The following GRID2 variants were observed in gnomAD, a reference collection of about 807,000 sequenced individuals.
GRID2 encodes glutamate ionotropic receptor delta type subunit 2, also known as glutamate receptor ionotropic, delta-2.
A neutral mutation model predicts 114.8 loss-of-function variants in GRID2; 33 were observed. The observed-to-expected ratio is 0.29, with a 90% CI of 0.22 to 0.38. The LOEUF (loss-of-function observed/expected upper bound fraction) is 0.38. Ranked by LOEUF, GRID2 falls within the 10% of genes least tolerant of loss-of-function variation. The pLI, the probability that GRID2 is intolerant of heterozygous loss-of-function variation, is 1.00. For missense variants in GRID2, 1,184 were observed against 1,257.7 expected, an observed-to-expected ratio of 0.94 and a Z score of 0.89; for synonymous variants, 505 against 449.9, an observed-to-expected ratio of 1.12 and a Z score of -1.55.
intron 14 of GRID2, among the ~76,000 whole-genome samples, chr4:93,636,918 C>T (rs572511073): frequency 6.6e-6 from 1 of 152,104 alleles, no homozygotes; most frequent in Non-Finnish European, 1.5e-5. Flanking sequence ...GTGTCCCATC[C>T]CCTGCCCTGT....
At chr4:93,703,548 G>A (rs1354775852) in intron 14 of GRID2, among the ~76,000 whole-genome samples, 1 of 151,906 alleles carries the variant, frequency 6.6e-6, no homozygotes, top group Non-Finnish European at 1.5e-5. Context: ...ACAACGTGCA[G>A]GTTAGTTACA....
At chr4:92,662,770 G>A (rs2149270246) in intron 2 of GRID2, among the ~76,000 whole-genome samples, 1 of 151,006 alleles carries the variant, frequency 6.6e-6, no homozygotes, top group East Asian at 1.9e-4. Flanking sequence ...TTCCTGACAT[G>A]GTTTTGTAAA....
chr4:92,738,414 T>G (rs921157931), intron 2 of GRID2, among the ~76,000 whole-genome samples: 1 of 152,132 alleles, frequency 6.6e-6, no homozygotes, highest in South Asian at 2.1e-4. Flanking sequence ...TTAGGCTGTT[T>G]CCTTGGTTGT....
intron 2 of GRID2, among the ~76,000 whole-genome samples, chr4:92,780,299 CTG>C (rs1401353157): frequency 6.6e-6 from 1 of 152,084 alleles, no homozygotes; most frequent in African/African-American, 2.4e-5. Context: ...TTAATTCAGA[CTG>C]TTTTAAATAA....
At chr4:92,620,763 A>G (rs975956908) in intron 2 of GRID2, among the ~76,000 whole-genome samples, 1 of 149,806 alleles carries the variant, frequency 6.7e-6, no homozygotes, top group Middle Eastern at 3.4e-3. Flanking sequence ...GGACACAGGA[A>G]GTGGAACATC....
intron 1 of GRID2, among the ~76,000 whole-genome samples, chr4:92,375,974 C>G (rs1407521079): frequency 6.6e-6 from 1 of 151,940 alleles, no homozygotes; most frequent in Non-Finnish European, 1.5e-5. Context: ...TTGAGTAATT[C>G]TGAATAAGCG....
chr4:92,785,159 C>T (rs1016370370), intron 2 of GRID2, among the ~76,000 whole-genome samples: 1 of 149,324 alleles, frequency 6.7e-6, no homozygotes, highest in South Asian at 2.1e-4. Flanking sequence ...AGACAAAATC[C>T]AAACATTATA....
chr4:93,284,603 T>C (rs2149132893), intron 8 of GRID2, among the ~76,000 whole-genome samples: 1 of 151,940 alleles, frequency 6.6e-6, no homozygotes, highest in South Asian at 2.1e-4. Flanking sequence ...ATATCTTCAA[T>C]TTCCCCACTC....
intron 2 of GRID2, among the ~76,000 whole-genome samples, chr4:92,937,741 G>T (rs1553952858): frequency 1.4e-5 from 2 of 146,254 alleles, no homozygotes; most frequent in Non-Finnish European, 3.0e-5. Flanking sequence ...AGCAAAAAAA[G>T]AAAAAAATCA....
At chr4:93,504,116 C>A (rs896265416) in intron 12 of GRID2, among the ~76,000 whole-genome samples, 3 of 152,014 alleles carry the variant, frequency 2.0e-5, no homozygotes, top group African/African-American at 7.2e-5. Flanking sequence ...TCTTTTATTT[C>A]CCACTATGAA....
intron 14 of GRID2, among the ~76,000 whole-genome samples, chr4:93,749,354 A>G (rs866414899): frequency 6.6e-6 from 1 of 152,242 alleles, no homozygotes; most frequent in Admixed American, 6.5e-5. Flanking sequence ...AAAATAAGGC[A>G]TTGATGAGGA....
chr4:93,789,262 G>A (rs73842452), intron 1 of GRID2, among the ~76,000 whole-genome samples: 111 of 152,220 alleles, frequency 7.3e-4, no homozygotes, highest in African/African-American at 2.6e-3. Flanking sequence ...ACCTAAATTA[G>A]CAATTGTGAA....
At chr4:93,753,346 T>A (rs894171448) in intron 14 of GRID2, among the ~76,000 whole-genome samples, 3 of 151,994 alleles carry the variant, frequency 2.0e-5, no homozygotes, top group African/African-American at 7.2e-5. Flanking sequence ...AAAATTCTTT[T>A]TATTATTATT....
intron 4 of GRID2, among the ~76,000 whole-genome samples, chr4:93,156,411 A>T (rs1368188045): frequency 6.6e-6 from 1 of 151,670 alleles, no homozygotes; most frequent in African/African-American, 2.4e-5. Context: ...AATAGATTGG[A>T]GGGGCATAAT....
intron 2 of GRID2, among the ~76,000 whole-genome samples, chr4:92,831,767 G>A (rs1216217679): frequency 6.6e-6 from 1 of 152,010 alleles, no homozygotes; most frequent in Non-Finnish European, 1.5e-5. Flanking sequence ...GGCTGAGAGA[G>A]GAGGATCACT....
intron 1 of GRID2, among the ~76,000 whole-genome samples, chr4:92,498,603 A>C (rs1723512857): frequency 6.6e-6 from 1 of 151,894 alleles, no homozygotes; most frequent in Non-Finnish European, 1.5e-5. Context: ...TAAAAAATTA[A>C]CTTTCTTAAT....
intron 7 of GRID2, among the ~76,000 whole-genome samples, chr4:93,236,636 T>C (rs533273008): frequency 6.6e-6 from 1 of 151,974 alleles, no homozygotes; most frequent in Admixed American, 6.6e-5. Context: ...GAGTTCCAAT[T>C]GGCAGGGAAA....
chr4:92,423,365 A>G (rs1731999248), intron 1 of GRID2, among the ~76,000 whole-genome samples: 2 of 152,100 alleles, frequency 1.3e-5, no homozygotes, highest in Non-Finnish European at 2.9e-5. Context: ...ATTATTTTCT[A>G]TTAGAAGTTA....
intron 2 of GRID2, among the ~76,000 whole-genome samples, chr4:93,063,747 A>G (rs924368527): frequency 6.6e-6 from 1 of 151,856 alleles, no homozygotes; most frequent in South Asian, 2.1e-4. Context: ...TAATGTTTCT[A>G]AGTAGACCTG....
Sources: allele counts gnomAD v4.1 joint callset (sites outside exome capture counted in the v4.1 genomes callset), GRCh38; gene constraint gnomAD v4.1.1; transcripts MANE v1.5; gene names NCBI Gene and HGNC (gene_info 2026-07-23, HGNC 2026-07-21).